Variants in NRXN3 observed in about 807,000 individuals in gnomAD.
NRXN3 encodes neurexin 3, also known as neurexin III.
NRXN3 carries 32 observed loss-of-function variants against 137.6 expected under a neutral mutation model. That is an observed-to-expected ratio of 0.23 (90% CI 0.18 to 0.31). NRXN3 has a LOEUF of 0.31. Among genes scored for constraint, NRXN3 ranks in the 10% least tolerant of loss-of-function variants. The probability of loss-of-function intolerance (pLI) is 1.00; values close to 1 mark genes in which losing one functional copy is unlikely to be tolerated. For missense variants in NRXN3, 1,574 were observed against 2,062.5 expected, an observed-to-expected ratio of 0.76 and a Z score of 4.59; for synonymous variants, 798 against 784.5, an observed-to-expected ratio of 1.02 and a Z score of -0.29.
At chr14:79,137,096 T>C (rs1242840864) in intron 15 of NRXN3, among the ~76,000 whole-genome samples, 3 of 152,246 alleles carry the variant, frequency 2.0e-5, no homozygotes, top group African/African-American at 7.2e-5. Context: ...AATAAGATTC[T>C]TTTGTTTCTA....
chr14:79,862,237 T>A lies in NRXN3; in HGVS notation c.*273T>A. The A allele has an allele frequency of 6.1e-6, 2 of 327,208 alleles. No homozygotes were observed. Among genetic ancestry groups the A allele is most frequent in the Non-Finnish European group, 1.1e-5 (2 of 175,936 alleles). The allele number at this position is 327,208 out of a possible 1,614,324, so 20.3% of individuals were successfully genotyped here. A position where few individuals can be genotyped will look rare whatever the true frequency, so the allele number is the denominator to read the frequency against. On this transcript the variant is annotated 3_prime_UTR_variant, in exon 21 of 21. Coordinates refer to ENST00000335750, the MANE Select transcript of NRXN3 (RefSeq NM_001330195.2). Reference sequence around the variant, plus strand: ...CCCTGCTGTATCATAAAGCACACACTTAGCGCTCTGGAGCCGGACGGTGGC... The same window carrying A: ...CCCTGCTGTATCATAAAGCACACACATAGCGCTCTGGAGCCGGACGGTGGC...
intron 20 of NRXN3, among the ~76,000 whole-genome samples, chr14:79,827,405 GGA>G (rs1238363142): frequency 6.6e-6 from 1 of 152,130 alleles, no homozygotes; most frequent in Non-Finnish European, 1.5e-5. Flanking sequence ...GCCATTTCTG[GGA>G]GAGAGTTATC....
chr14:78,978,135 T>C (rs1446374268), intron 14 of NRXN3, among the ~76,000 whole-genome samples: 4 of 152,214 alleles, frequency 2.6e-5, no homozygotes, highest in Non-Finnish European at 4.4e-5. Flanking sequence ...CACTGATCAC[T>C]CTAATCATGT....
intron 4 of NRXN3, among the ~76,000 whole-genome samples, chr14:78,498,421 C>T (rs1470660787): frequency 6.6e-6 from 1 of 152,168 alleles, no homozygotes; most frequent in Non-Finnish European, 1.5e-5. Context: ...TCCTGATATG[C>T]AGGCCAGACA....
At chr14:79,407,649 G>C (rs781009900) in intron 15 of NRXN3, among the ~76,000 whole-genome samples, 3 of 152,092 alleles carry the variant, frequency 2.0e-5, no homozygotes, top group Non-Finnish European at 4.4e-5. Context: ...TATGTGCCTT[G>C]GGAGAGTGAG....
At chr14:78,826,540 C>T (rs527641752) in intron 10 of NRXN3, among the ~76,000 whole-genome samples, 11 of 152,320 alleles carry the variant, frequency 7.2e-5, no homozygotes, top group Non-Finnish European at 1.3e-4. Context: ...AAGCCCCAAA[C>T]TCATTGGGTT....
chr14:79,414,078 G>GA (rs1473800427), intron 15 of NRXN3, among the ~76,000 whole-genome samples: 1 of 151,942 alleles, frequency 6.6e-6, no homozygotes, highest in East Asian at 1.9e-4. Context: ...ACCTGGATAA[G>GA]AAAATCCAGA....
intron 4 of NRXN3, among the ~76,000 whole-genome samples, chr14:78,335,433 G>C (rs989752617): frequency 1.3e-5 from 2 of 152,216 alleles, no homozygotes; most frequent in Non-Finnish European, 2.9e-5. Flanking sequence ...CCAGGACTCT[G>C]CCCAAGCTGA....
At chr14:78,512,210 A>C (rs2096122651) in intron 4 of NRXN3, among the ~76,000 whole-genome samples, 1 of 152,132 alleles carries the variant, frequency 6.6e-6, no homozygotes, top group South Asian at 2.1e-4. Flanking sequence ...TCATGTAAGT[A>C]AGACCATCCT....
intron 16 of NRXN3, among the ~76,000 whole-genome samples, chr14:79,508,494 AT>A (rs1398368020): frequency 2.8e-5 from 4 of 145,272 alleles, no homozygotes; most frequent in Admixed American, 7.3e-5. Flanking sequence ...GGTACAAGTG[AT>A]TCTCCTGCCT....
intron 9 of NRXN3, among the ~76,000 whole-genome samples, chr14:78,808,171 A>G (rs779269068): frequency 6.6e-6 from 1 of 152,172 alleles, no homozygotes; most frequent in Non-Finnish European, 1.5e-5. Flanking sequence ...TAACAAAGTA[A>G]TTCTTCACAT....
chr14:79,289,955 CCAG>C (rs2082895958), intron 15 of NRXN3, among the ~76,000 whole-genome samples: 1 of 152,104 alleles, frequency 6.6e-6, no homozygotes, highest in Non-Finnish European at 1.5e-5. Context: ...CCCCTGGAAA[CCAG>C]CAAGCCACAT....
chr14:79,524,868 A>T (rs2019220), intron 16 of NRXN3, among the ~76,000 whole-genome samples: 30,908 of 152,104 alleles, frequency 0.2, 3,593 homozygotes, highest in African/African-American at 0.31. Flanking sequence ...TTGGACAAAA[A>T]GGGTATGATC....
intron 15 of NRXN3, among the ~76,000 whole-genome samples, chr14:79,331,796 G>A (rs1004757138): frequency 6.6e-6 from 1 of 151,732 alleles, no homozygotes; most frequent in Non-Finnish European, 1.5e-5. Context: ...TGCTCAAAGT[G>A]TAAAAAAAAA....
At chr14:79,121,251 A>G (rs1034961999) in intron 15 of NRXN3, among the ~76,000 whole-genome samples, 1 of 152,232 alleles carries the variant, frequency 6.6e-6, no homozygotes, top group Non-Finnish European at 1.5e-5. Context: ...CCTGCTCCCT[A>G]GAATCCTTCA....
intron 20 of NRXN3, among the ~76,000 whole-genome samples, chr14:79,836,463 C>G (rs561058027): frequency 2.1e-3 from 55 of 26,708 alleles, no homozygotes; most frequent in African/African-American, 6.2e-3. Flanking sequence ...ATCCACTATT[C>G]TGGAAAAAAA....
At chr14:79,691,825 G>A (rs1603431808) in intron 17 of NRXN3, among the ~76,000 whole-genome samples, 2 of 152,174 alleles carry the variant, frequency 1.3e-5, no homozygotes, top group Non-Finnish European at 1.5e-5. Flanking sequence ...AGGTGAATTA[G>A]TCATGGGTCA....
intron 19 of NRXN3, among the ~76,000 whole-genome samples, chr14:79,746,632 T>C (rs2098980525): frequency 6.6e-6 from 1 of 152,182 alleles, no homozygotes; most frequent in African/African-American, 2.4e-5. Flanking sequence ...AGTTTACTTT[T>C]CTTGCCTTAT....
intron 6 of NRXN3, among the ~76,000 whole-genome samples, chr14:78,706,078 C>G (rs12886874): frequency 0.92 from 139,257 of 151,912 alleles, 64,103 homozygotes; most frequent in Middle Eastern, 0.97. Context: ...CCTGCTGTAG[C>G]AATGCCTGAT....
Sources: allele counts gnomAD v4.1 joint callset (sites outside exome capture counted in the v4.1 genomes callset), GRCh38; gene constraint gnomAD v4.1.1; transcripts MANE v1.5; gene names NCBI Gene and HGNC (gene_info 2026-07-23, HGNC 2026-07-21).